The following SCG5 variants were observed in gnomAD, a reference collection of about 807,000 sequenced individuals.
SCG5 encodes the protein neuroendocrine protein 7B2.
In SCG5, 18 loss-of-function variants were observed where a neutral mutation model predicts 25.7. The ratio of observed to expected loss-of-function variants is 0.70; its 90% confidence interval spans 0.48 to 1.04. SCG5 has a LOEUF of 1.04. Ranked by LOEUF, SCG5 falls within the 50% of genes least tolerant of loss-of-function variation. The pLI is 0.00. For missense variants in SCG5, 206 were observed against 259.8 expected (o/e 0.79, Z 1.42); for synonymous variants, 101 against 91.7 (o/e 1.10, Z -0.58).
chr15:32,671,614 T>C (rs567250978), intron 2 of SCG5, among the ~76,000 whole-genome samples: 1 of 152,002 alleles, frequency 6.6e-6, no homozygotes, highest in Non-Finnish European at 1.5e-5. Context: ...GCGCAGATTG[T>C]ATAGAAGCTG....
intron 2 of SCG5, among the ~76,000 whole-genome samples, chr15:32,666,763 G>A (rs953464244): frequency 6.6e-6 from 1 of 152,102 alleles, no homozygotes; most frequent in Non-Finnish European, 1.5e-5. Context: ...TCATACCAAC[G>A]GCTTAAGGAT....
chr15:32,671,316 A>T (rs1294906104), intron 2 of SCG5, among the ~76,000 whole-genome samples: 1 of 152,360 alleles, frequency 6.6e-6, no homozygotes, highest in East Asian at 1.9e-4. Flanking sequence ...AAGGTCTTAT[A>T]AATAAGAGTG....
At position 32,693,879 on chromosome 15, in the gene SCG5, G is replaced by A. The variant is rs143122583; in HGVS notation, c.543+2116G>A. On this transcript the variant is annotated intron_variant, in intron 5 of 5. Transcript: ENST00000300175. Reference sequence around the variant, plus strand: ...AATCCCAGCACTTTGGGAGGCCGAGGAGGGTGGATCACCTGAGGTCAGTAG... The same window carrying A: ...AATCCCAGCACTTTGGGAGGCCGAGAAGGGTGGATCACCTGAGGTCAGTAG... Among the ~76,000 whole-genome samples the A allele has an allele frequency of 5.4e-3, 826 of 152,312 alleles. 7 individuals are homozygous for A. The highest frequency in any genetic ancestry group is 0.015 in the African/African-American group (611 of 41,568).
Position 32,662,214 on chromosome 15 carries a change from C to A in SCG5, c.227-17552C>A, listed in dbSNP as rs527476747. Among the ~76,000 whole-genome samples the A allele has an allele frequency of 4.6e-5, 7 of 152,162 alleles. No individual in the cohort carries two copies. The South Asian group carries it at 1.0e-3, about 23-fold the overall frequency. On this transcript the variant is annotated intron_variant, in intron 2 of 5. Coordinates refer to ENST00000300175, the MANE Select transcript of SCG5 (RefSeq NM_001144757.3). ...GATAAATTCTCTGGGGTATATATTT[C>A]TATGAAAAGAAGAATAATTGGGTCA... is the stretch of plus-strand genomic sequence containing the variant.
chr15:32,649,710 A>G (rs893836794), intron 2 of SCG5, among the ~76,000 whole-genome samples: 2 of 152,162 alleles, frequency 1.3e-5, no homozygotes, highest in Admixed American at 6.5e-5. Context: ...GGTAAGGAGC[A>G]TCTTTCAAAT....
Position 32,696,921 on chromosome 15 carries a change from T to C in SCG5, c.*312T>C. The C allele has an allele frequency of 4.3e-6, 1 of 233,834 alleles. No individual in the cohort carries two copies. Among genetic ancestry groups the C allele is most frequent in the Non-Finnish European group, 8.4e-6 (1 of 118,440 alleles). The allele number at this position is 233,834 out of a possible 1,614,324, so 14.5% of individuals were successfully genotyped here. ...TCAGATTTCTTGCAGTTTAAAATGG[T>C]GTCTGAGGTTGTACTATTTTGGCCA... is the stretch of plus-strand genomic sequence containing the variant. On this transcript the variant is annotated 3_prime_UTR_variant, in exon 6 of 6. Transcript: ENST00000300175.
intron 2 of SCG5, among the ~76,000 whole-genome samples, chr15:32,663,130 CAT>C (rs1357994459): frequency 3.6e-5 from 5 of 137,326 alleles, no homozygotes; most frequent in South Asian, 4.6e-4. Context: ...ACATATATAA[CAT>C]ATATAATATA....
At chr15:32,694,470 C>T (rs2054918751) in intron 5 of SCG5, among the ~76,000 whole-genome samples, 1 of 152,174 alleles carries the variant, frequency 6.6e-6, no homozygotes, top group Non-Finnish European at 1.5e-5. Context: ...TATTTGAGCT[C>T]TACTATTGAT....
At chr15:32,657,626 G>T (rs1043889023) in intron 2 of SCG5, among the ~76,000 whole-genome samples, 2 of 152,140 alleles carry the variant, frequency 1.3e-5, no homozygotes, top group Non-Finnish European at 2.9e-5. Context: ...TGGAAGAAAG[G>T]TGTGCAGAAT....
At chr15:32,663,997 A>T (rs1203867737) in intron 2 of SCG5, among the ~76,000 whole-genome samples, 1 of 142,626 alleles carries the variant, frequency 7.0e-6, no homozygotes, top group Non-Finnish European at 1.5e-5. Context: ...AATATCTCCC[A>T]TGTGGTATAG....
At position 32,696,611 on chromosome 15, in the gene SCG5, G is replaced by C. The variant is rs942644012; in HGVS notation, c.*2G>C. 1.2e-6 allele frequency: 2 copies of C among 1,606,760 alleles called. No homozygotes were observed. The highest frequency in any genetic ancestry group is 1.3e-5 in the African/African-American group (1 of 74,824). On this transcript the variant is annotated 3_prime_UTR_variant, in exon 6 of 6. Coordinates refer to ENST00000300175, the MANE Select transcript of SCG5 (RefSeq NM_001144757.3). ...GATGAGGATAAGGATCCAGAGTAAAGAGAAGATGCTAGACGAAAACCCACA... is the reference window on the plus strand; with the variant it reads ...GATGAGGATAAGGATCCAGAGTAAACAGAAGATGCTAGACGAAAACCCACA...
At chr15:32,674,526 C>T (rs2054497887) in intron 2 of SCG5, among the ~76,000 whole-genome samples, 1 of 152,160 alleles carries the variant, frequency 6.6e-6, no homozygotes, top group South Asian at 2.1e-4. Context: ...AACTGATCTT[C>T]AAAATCATAG....
chr15:32,660,052 A>G (rs2054191584), intron 2 of SCG5, among the ~76,000 whole-genome samples: 1 of 152,210 alleles, frequency 6.6e-6, no homozygotes, highest in South Asian at 2.1e-4. Context: ...CTGACAGTAA[A>G]TGATACATAA....
intron 2 of SCG5, among the ~76,000 whole-genome samples, chr15:32,657,199 G>GTGTATATATATATATATATATATATA (rs2054131495): frequency 1.5e-4 from 1 of 6,672 alleles, no homozygotes; most frequent in African/African-American, 5.1e-4. Context: ...TCATCCTCCT[G>GTGTATATATATATATATATATATATA]TATATATATA....
chr15:32,689,491 A>G (rs2054801679), intron 4 of SCG5, among the ~76,000 whole-genome samples: 2 of 152,180 alleles, frequency 1.3e-5, no homozygotes, highest in African/African-American at 4.8e-5. Flanking sequence ...GTAATTTGAA[A>G]CCAGGATCTG....
intron 2 of SCG5, among the ~76,000 whole-genome samples, chr15:32,659,037 A>G (rs187791949): frequency 0.024 from 3,702 of 152,166 alleles, 175 homozygotes; most frequent in African/African-American, 0.086. Flanking sequence ...TTAGCTGGGC[A>G]TGGTGGCGGG....
intron 3 of SCG5, 33 bp downstream of exon 3, chr15:32,679,948 G>A (rs759346618): frequency 1.3e-6 from 2 of 1,560,842 alleles, no homozygotes; most frequent in Non-Finnish European, 1.7e-6. Flanking sequence ...CCCATGAAAA[G>A]TTGGGGCTTT....
At chr15:32,657,199 G>GTGTGTATATATATATATATATATATA (rs2054131495) in intron 2 of SCG5, among the ~76,000 whole-genome samples, 1 of 6,674 alleles carries the variant, frequency 1.5e-4, no homozygotes, top group African/African-American at 5.1e-4. Flanking sequence ...TCATCCTCCT[G>GTGTGTATATATATATATATATATATA]TATATATATA....
In SCG5 at chr15:32,643,721, G is replaced by A. The variant is rs773779024; in HGVS notation, c.129G>A (p.Leu43=). 3 of 1,613,992 alleles carry A rather than the reference G, an allele frequency of 1.9e-6. 1 individual carries two copies. The highest frequency in any genetic ancestry group is 3.3e-5 in the Admixed American group (2 of 60,026). The change falls in exon 2 of 6, where the codon CTG becomes CTA. Residue 43 remains leucine, a synonymous_variant. Coordinates refer to ENST00000300175, the MANE Select transcript of SCG5 (RefSeq NM_001144757.3). ...DRVSEADIQR[L]LHGVMEQLGI... ...TCTCAGAAGCAGATATCCAGAGGCT[G>A]CTTCATGGTGTTATGGAGCAATTGG...
Sources: allele counts gnomAD v4.1 joint callset (sites outside exome capture counted in the v4.1 genomes callset), GRCh38; gene constraint gnomAD v4.1.1; transcripts MANE v1.5; gene names NCBI Gene and HGNC (gene_info 2026-07-23, HGNC 2026-07-21).